Variants in MARCHF8 observed in about 807,000 individuals in gnomAD.
MARCHF8 encodes the protein E3 ubiquitin-protein ligase MARCHF8.
Under a neutral mutation model 51.6 loss-of-function variants are expected in MARCHF8, and 40 were observed. That is an observed-to-expected ratio of 0.77 (90% CI 0.60 to 1.01). The LOEUF (loss-of-function observed/expected upper bound fraction) is 1.01. Among genes scored for constraint, MARCHF8 ranks in the 50% least tolerant of loss-of-function variants. MARCHF8 has a pLI of 0.00. For missense variants in MARCHF8, 685 were observed against 708.6 expected (o/e 0.97, Z 0.38); for synonymous variants, 263 against 280.3 (o/e 0.94, Z 0.62).
At chr10:45,472,301 T>C (rs2042706977) in intron 3 of MARCHF8, among the ~76,000 whole-genome samples, 1 of 152,252 alleles carries the variant, frequency 6.6e-6, no homozygotes, top group Non-Finnish European at 1.5e-5. Context: ...TATAAGAAGA[T>C]GTTACTGGGA....
chr10:45,547,493 T>C (rs1378390453), intron 1 of MARCHF8, among the ~76,000 whole-genome samples: 8 of 152,182 alleles, frequency 5.3e-5, no homozygotes. Context: ...TATCCCTGAC[T>C]AAGCGGGGAT....
chr10:45,504,676 G>A (rs1048704731), intron 2 of MARCHF8, among the ~76,000 whole-genome samples: 3 of 152,158 alleles, frequency 2.0e-5, no homozygotes, highest in Non-Finnish European at 4.4e-5. Context: ...TTCTTATACT[G>A]TAAACATGGT....
chr10:45,463,688 A>T lies in MARCHF8; in HGVS notation c.551T>A (p.Leu184Ter), dbSNP rs1294144772. Residue 184 changes from leucine (L) to a stop codon, truncating the protein, a stop_gained, in exon 5 of 8, where the codon TTA (leucine) becomes TAA (stop). Coordinates refer to ENST00000453424, the MANE Select transcript of MARCHF8 (RefSeq NM_001282866.2). LOFTEE classifies it high-confidence loss of function. ...GAGACACGTATCTTGAGGGAGTATTAATTTCCCTTCAGAACAAGTTCTTTC... is the reference window on the plus strand; with the variant it reads ...GAGACACGTATCTTGAGGGAGTATTTATTTCCCTTCAGAACAAGTTCTTTC... ...YVERTCSEGK[L>*]ILPQDTCLRT... 1 of 1,550,760 alleles carries T rather than the reference A, an allele frequency of 6.4e-7. No homozygotes were observed. Among genetic ancestry groups the T allele is most frequent in the African/African-American group, 1.4e-5 (1 of 73,044 alleles).
chr10:45,539,619 A>G (rs34681532), upstream of MARCHF8, among the ~76,000 whole-genome samples: 477 of 152,358 alleles, frequency 3.1e-3, no homozygotes, highest in Middle Eastern at 6.8e-3. Flanking sequence ...TAGAAGCAAT[A>G]AAGAATGACA....
At chr10:45,546,578 T>C (rs1455450265) in intron 1 of MARCHF8, among the ~76,000 whole-genome samples, 1 of 151,862 alleles carries the variant, frequency 6.6e-6, no homozygotes, top group South Asian at 2.1e-4. Flanking sequence ...GCTCCGGAGT[T>C]TGAGACCAGC....
intron 1 of MARCHF8, among the ~76,000 whole-genome samples, chr10:45,541,067 T>G (rs1157170815): frequency 1.3e-5 from 2 of 152,172 alleles, no homozygotes; most frequent in African/African-American, 4.8e-5. Context: ...TCCCATTACT[T>G]GGTATATACT....
chr10:45,574,418 C>T (rs2044466281), intron 1 of MARCHF8, among the ~76,000 whole-genome samples: 1 of 152,128 alleles, frequency 6.6e-6, no homozygotes, highest in South Asian at 2.1e-4. Context: ...TCCTCAATAC[C>T]TCCCCTCCAC....
At chr10:45,476,189 C>A (rs2042783708) in intron 3 of MARCHF8, among the ~76,000 whole-genome samples, 1 of 152,114 alleles carries the variant, frequency 6.6e-6, no homozygotes, top group Non-Finnish European at 1.5e-5. Context: ...CACAAAGGAA[C>A]CCAATAATTC....
At chr10:45,489,603 C>T (rs1439463603) in intron 2 of MARCHF8, among the ~76,000 whole-genome samples, 186 bp from the exon 3 acceptor site, 5 of 151,930 alleles carry the variant, frequency 3.3e-5, no homozygotes, top group Non-Finnish European at 5.9e-5. Flanking sequence ...AAAATGAATA[C>T]ACAATAGTCC....
intron 1 of MARCHF8, among the ~76,000 whole-genome samples, chr10:45,560,564 G>A (rs1390652509): frequency 2.0e-5 from 3 of 152,186 alleles, no homozygotes; most frequent in African/African-American, 4.8e-5. Flanking sequence ...TGTCAAGGCC[G>A]CAGCTGCTGA....
chr10:45,526,713 CAGAAAAAAAA>C (rs1330410703), intron 2 of MARCHF8, among the ~76,000 whole-genome samples: 2 of 146,118 alleles, frequency 1.4e-5, no homozygotes, highest in East Asian at 2.0e-4. Context: ...ACCACTGAGA[CAGAAAAAAAA>C]AGAAAAAAAA....
chr10:45,550,072 G>A lies in MARCHF8; in HGVS notation c.-78-16783C>T, dbSNP rs78483563. Among the ~76,000 whole-genome samples the A allele has an allele frequency of 3.2e-3, 489 of 152,308 alleles. 12 individuals are homozygous for A. The East Asian group carries it at 0.047, about 15-fold the overall frequency. The stretch of plus-strand genomic sequence containing the variant: ...AGGGGGCAGTGATTCATTAGGAGCC[G>A]TTTTGTAACAATTTACCACATGTTG... On this transcript the variant is annotated intron_variant, in intron 1 of 6. Transcript: ENST00000319836.
chr10:45,480,648 T>C (rs1564475127), intron 3 of MARCHF8, among the ~76,000 whole-genome samples: 1 of 152,154 alleles, frequency 6.6e-6, no homozygotes, highest in Non-Finnish European at 1.5e-5. Flanking sequence ...AGCTTCCATG[T>C]GGTGTTGAGC....
chr10:45,467,549 A>G (rs1449626939), intron 3 of MARCHF8, among the ~76,000 whole-genome samples: 1 of 152,210 alleles, frequency 6.6e-6, no homozygotes, highest in East Asian at 1.9e-4. Flanking sequence ...GACCTAAAAG[A>G]CTGGCCTGAT....
chr10:45,544,250 G>A (rs1334194283), intron 1 of MARCHF8, among the ~76,000 whole-genome samples: 1 of 152,156 alleles, frequency 6.6e-6, no homozygotes, highest in South Asian at 2.1e-4. Flanking sequence ...GAAAAAATTA[G>A]ATCTCTCATG....
chr10:45,520,645 T>C (rs1439250884), intron 2 of MARCHF8, among the ~76,000 whole-genome samples: 1 of 152,226 alleles, frequency 6.6e-6, no homozygotes. Flanking sequence ...TCTTATGTTC[T>C]AAGAATTTAC....
chr10:45,537,315 T>TA (rs201526331), upstream of MARCHF8, among the ~76,000 whole-genome samples: 2,921 of 152,082 alleles, frequency 0.019, 71 homozygotes, highest in Admixed American at 0.059. Flanking sequence ...TAAAAAGAAA[T>TA]AAAGTACTGA....
intron 2 of MARCHF8, among the ~76,000 whole-genome samples, chr10:45,531,778 G>T (rs1006525216): frequency 6.6e-6 from 1 of 152,076 alleles, no homozygotes. Flanking sequence ...AAAATGCAAG[G>T]GTTCACTCTT....
At chr10:45,523,686 A>G (rs1383377695) in intron 2 of MARCHF8, among the ~76,000 whole-genome samples, 1 of 152,242 alleles carries the variant, frequency 6.6e-6, no homozygotes, top group Non-Finnish European at 1.5e-5. Context: ...AATCATAATC[A>G]TCAAGTCCTA....
Sources: allele counts gnomAD v4.1 joint callset (sites outside exome capture counted in the v4.1 genomes callset), GRCh38; gene constraint gnomAD v4.1.1; transcripts MANE v1.5; gene names NCBI Gene and HGNC (gene_info 2026-07-23, HGNC 2026-07-21).